MAGED1: variants seen among roughly 807,000 people sequenced by gnomAD.
The protein encoded by MAGED1 is melanoma-associated antigen D1.
MAGED1 carries 3 observed loss-of-function variants against 54.1 expected under a neutral mutation model. The ratio of observed to expected loss-of-function variants is 0.06; its 90% CI spans 0.03 to 0.14. The LOEUF (loss-of-function observed/expected upper bound fraction) is 0.14, where lower values mean the gene tolerates loss of function less well. MAGED1 is among the 10% of genes least tolerant of loss of function. MAGED1 has a pLI of 1.00. For synonymous variants in MAGED1, 217 were observed against 227.3 expected, an observed-to-expected ratio of 0.95 and a Z score of 0.41; for missense variants, 485 against 623.4, an observed-to-expected ratio of 0.78 and a Z score of 2.36.
At chrX:51,875,231 A>T (rs1927826284) in intron 1 of MAGED1, among the ~76,000 whole-genome samples, 1 of 103,446 alleles carries the variant, frequency 9.7e-6, no homozygotes, top group Admixed American at 1.1e-4. Flanking sequence ...TTCACTGATC[A>T]GTACTCTGTC....
chrX:51,894,890 C>A (rs1928653749), intron 2 of MAGED1, 163 bp from the exon 3 acceptor site: 2 of 984,591 alleles, frequency 2.0e-6, no homozygotes, highest in African/African-American at 3.9e-5. Flanking sequence ...GGTCCCCCAT[C>A]GCCCCTCGCG....
intron 1 of MAGED1, among the ~76,000 whole-genome samples, chrX:51,861,170 T>G (rs1156418412): frequency 1.8e-5 from 2 of 111,909 alleles, no homozygotes; most frequent in African/African-American, 6.5e-5. Context: ...CTCATTAATT[T>G]TAGTACATCT....
rs1928712920 is a variant in MAGED1 at position 51,895,585 on chromosome X, C to T, written c.578C>T (p.Ala193Val). Residue 193 changes from alanine (A) to valine (V), a missense_variant, in exon 3 of 13, where the codon GCT becomes GTT. Ala to Val is a moderately conservative substitution (Grantham distance 64). Around this residue, in one of 2 missense-constraint regions of MAGED1, gnomAD observed 299 missense variants for 293.1 expected, o/e 1.02. Coordinates refer to ENST00000326587, the MANE Select transcript of MAGED1 (RefSeq NM_006986.4). ...AATGATACCACTAAGGCCCCAACAG[C>T]TGATACCCAGACCCAGAATGTAAAT... ...AWNDTTKAPT[A>V]DTQTQNVNQA... The T allele has an allele frequency of 5.8e-6, 7 of 1,211,897 alleles. No individual in the cohort carries two copies. The highest frequency in any genetic ancestry group is 6.7e-6 in the Non-Finnish European group (6 of 895,541).
chrX:51,823,225 A>G (rs1480944870), intron 1 of MAGED1, among the ~76,000 whole-genome samples: 2 of 111,307 alleles, frequency 1.8e-5, no homozygotes. Flanking sequence ...TCTGTTATTG[A>G]AAGTGGGATA....
intron 1 of MAGED1, among the ~76,000 whole-genome samples, chrX:51,885,362 T>C (rs996034086): frequency 1.2e-4 from 14 of 112,217 alleles, no homozygotes; most frequent in Non-Finnish European, 1.1e-4. Context: ...CTTGGTCATT[T>C]GTATGCCTTT....
Position 51,843,396 on chromosome X carries a change from ATTAGAG to A in MAGED1, c.-37+40283_-37+40288del, listed in dbSNP as rs1331178716. On this transcript the variant is annotated intron_variant, in intron 1 of 12. Coordinates refer to the MAGED1 transcript ENST00000375772. The stretch of plus-strand genomic sequence containing the variant: ...GTCCTTATAAGATGGAGACAGGGGA[ATTAGAG>A]TTATAGAGTGAAGATGTAAGACTGA... Among the ~76,000 whole-genome samples the A allele has an allele frequency of 9.8e-5, 11 of 111,677 alleles. 1 individual carries two copies. Among genetic ancestry groups the A allele is most frequent in the South Asian group, 3.8e-4 (1 of 2,624 alleles).
chrX:51,884,969 T>G (rs782796307), intron 1 of MAGED1, among the ~76,000 whole-genome samples: 2 of 112,319 alleles, frequency 1.8e-5, no homozygotes, highest in Admixed American at 9.4e-5. Flanking sequence ...CTTCCTCAAT[T>G]TGATTTTTTA....
chrX:51,813,965 G>A (rs1358261188), intron 1 of MAGED1, among the ~76,000 whole-genome samples: 1 of 111,259 alleles, frequency 9.0e-6, no homozygotes, highest in Non-Finnish European at 1.9e-5. Context: ...AAGTAGCCCT[G>A]GATCATGTGT....
chrX:51,824,706 G>C (rs1016071830), intron 1 of MAGED1, among the ~76,000 whole-genome samples: 1 of 80,176 alleles, frequency 1.2e-5, no homozygotes, highest in African/African-American at 5.0e-5. Flanking sequence ...TATTGTCTCT[G>C]TGTGTGTGTG....
intron 1 of MAGED1, among the ~76,000 whole-genome samples, chrX:51,831,539 G>C (rs1209968084): frequency 8.9e-6 from 1 of 111,837 alleles, no homozygotes; most frequent in Admixed American, 9.5e-5. Flanking sequence ...CTTGAGCCCA[G>C]GAAGTGAAGG....
chrX:51,886,532 C>G (rs1326704665), intron 1 of MAGED1, among the ~76,000 whole-genome samples: 1 of 110,330 alleles, frequency 9.1e-6, no homozygotes, highest in African/African-American at 3.3e-5. Context: ...AATGGAAATT[C>G]TAGCCAGCTC....
intron 1 of MAGED1, among the ~76,000 whole-genome samples, chrX:51,882,840 G>A (rs1048519275): frequency 4.0e-4 from 44 of 110,800 alleles, no homozygotes; most frequent in Admixed American, 1.9e-4. Context: ...ACAGGCACGT[G>A]CCACCACGCC....
At position 51,836,199 on chromosome X, in the gene MAGED1, ATT is replaced by A. The variant is rs200574737; in HGVS notation, c.-37+33096_-37+33097del. 9.2e-3 allele frequency among the ~76,000 whole-genome samples: 900 copies of A among 98,306 alleles called. 11 individuals carry two copies. The highest frequency in any genetic ancestry group is 0.03 in the African/African-American group (804 of 27,019). 85.4% of individuals were successfully genotyped at this position (98,306 alleles called of 115,157 possible). On this transcript the variant is annotated intron_variant, in intron 1 of 12. Transcript: ENST00000375772. The stretch of plus-strand genomic sequence containing the variant: ...ATTCTTGGTTGGTTTCAATTTATTG[ATT>A]TTTTTTTTTTTTTATTTTGTAATTT...
At chrX:51,809,544 C>T (rs782256700) in intron 1 of MAGED1, among the ~76,000 whole-genome samples, 1 of 112,086 alleles carries the variant, frequency 8.9e-6, no homozygotes, top group Admixed American at 9.5e-5. Context: ...TTCTCATCCT[C>T]GTGTTTCCTA....
At chrX:51,849,478 C>G (rs1445695326) in intron 1 of MAGED1, among the ~76,000 whole-genome samples, 1 of 111,729 alleles carries the variant, frequency 9.0e-6, no homozygotes, top group Non-Finnish European at 1.9e-5. Flanking sequence ...GGCATCTTTA[C>G]AAAAATGAAG....
chrX:51,896,873 A>G lies in MAGED1; in HGVS notation c.1218A>G (p.Leu406=). ...PDWQGPPDWP[L]PPDWPLPPDW... ...GGCAAGGTCCTCCTGACTGGCCGCT[A>G]CCACCCGACTGGCCACTGCCACCTG... The change falls in exon 4 of 13, where the codon CTA becomes CTG. Residue 406 remains leucine (L), a synonymous_variant. Coordinates refer to ENST00000326587, the MANE Select transcript of MAGED1 (RefSeq NM_006986.4). 2 of 1,203,967 alleles carry G rather than the reference A, an allele frequency of 1.7e-6. No individual in the cohort carries two copies. The highest frequency in any genetic ancestry group is 3.5e-5 in the African/African-American group (2 of 57,545).
intron 1 of MAGED1, among the ~76,000 whole-genome samples, chrX:51,810,928 A>G (rs1925196284): frequency 8.9e-6 from 1 of 112,039 alleles, no homozygotes; most frequent in African/African-American, 3.2e-5. Context: ...TCTATTTACC[A>G]CAGACATGAA....
At chrX:51,888,001 GA>G (rs2147008419) in intron 1 of MAGED1, among the ~76,000 whole-genome samples, 1 of 111,546 alleles carries the variant, frequency 9.0e-6, no homozygotes, top group Admixed American at 9.5e-5. Context: ...AGAAAAGAAA[GA>G]AAACAATGCA....
intron 1 of MAGED1, among the ~76,000 whole-genome samples, chrX:51,815,665 G>T (rs1262805699): frequency 9.2e-6 from 1 of 109,255 alleles, no homozygotes; most frequent in Non-Finnish European, 1.9e-5. Context: ...GGGATTTTAG[G>T]CGTGTGCCAC....
Sources: gnomAD v4.1 joint callset for allele counts (sites outside exome capture counted in the v4.1 genomes callset) on GRCh38, gnomAD v4.1.1 for gene constraint, gnomAD v4.1.1 regional missense constraint, MANE v1.5 for transcripts, NCBI Gene and HGNC (gene_info 2026-07-23, HGNC 2026-07-21) for gene names.